PAPSS2: variants seen among roughly 807,000 people sequenced by gnomAD.
PAPSS2 encodes the protein bifunctional 3'-phosphoadenosine 5'-phosphosulfate synthase 2.
A neutral mutation model predicts 66.5 loss-of-function variants in PAPSS2; 61 were observed. The observed-to-expected ratio is 0.92, with a 90% CI of 0.75 to 1.14. The LOEUF (loss-of-function observed/expected upper bound fraction) is 1.14. Among genes scored for constraint, PAPSS2 ranks in the 50% most tolerant of loss-of-function variants. PAPSS2 has a pLI of 0.00. For synonymous variants in PAPSS2, 289 were observed against 287.5 expected (o/e 1.01, Z -0.05); for missense variants, 708 against 789.6 (o/e 0.90, Z 1.24).
At chr10:87,665,967 T>C (rs200256278) in intron 1 of PAPSS2, among the ~76,000 whole-genome samples, 2 of 114,136 alleles carry the variant, frequency 1.8e-5, no homozygotes, top group Admixed American at 1.9e-4. Flanking sequence ...AATTTTTTTT[T>C]CTTTTTTTTT....
chr10:87,696,661 C>T (rs1005568040), intron 1 of PAPSS2, among the ~76,000 whole-genome samples: 1 of 152,134 alleles, frequency 6.6e-6, no homozygotes, highest in Non-Finnish European at 1.5e-5. Context: ...TAACTCCAAG[C>T]AATTTTAACC....
chr10:87,692,386 T>C (rs935672899), intron 1 of PAPSS2, among the ~76,000 whole-genome samples: 1 of 151,900 alleles, frequency 6.6e-6, no homozygotes, highest in African/African-American at 2.4e-5. Flanking sequence ...CTGAGGGGTG[T>C]AGGGAGGAAG....
At chr10:87,727,543 AAAAT>A (rs1853675945) in intron 9 of PAPSS2, 54 bp downstream of exon 9, 1 of 1,393,798 alleles carries the variant, frequency 7.2e-7, no homozygotes, top group Admixed American at 1.9e-5. Flanking sequence ...ACTGAGAAGA[AAAAT>A]AACTCTTTTT....
intron 9 of PAPSS2, among the ~76,000 whole-genome samples, chr10:87,737,372 T>C: frequency 6.8e-6 from 1 of 147,812 alleles, no homozygotes; most frequent in East Asian, 2.0e-4. Context: ...GTGGTTCCTC[T>C]AAAAAAAAAA....
intron 1 of PAPSS2, among the ~76,000 whole-genome samples, chr10:87,676,844 GT>G (rs1852954097): frequency 9.0e-6 from 1 of 111,420 alleles, no homozygotes; most frequent in Admixed American, 1.4e-4. Context: ...TTGTACTCCA[GT>G]CTGGATGACA....
intron 1 of PAPSS2, among the ~76,000 whole-genome samples, chr10:87,660,612 A>G (rs1176870663): frequency 1.3e-5 from 2 of 151,944 alleles, no homozygotes; most frequent in African/African-American, 4.8e-5. Context: ...GGTTTGGTGG[A>G]GTAAGATGAG....
chr10:87,718,294 G>A (rs1853556237), intron 7 of PAPSS2, among the ~76,000 whole-genome samples: 2 of 152,128 alleles, frequency 1.3e-5, no homozygotes, highest in South Asian at 2.1e-4. Flanking sequence ...GCCTCCCAAA[G>A]TGCTGAGATT....
intron 9 of PAPSS2, among the ~76,000 whole-genome samples, chr10:87,740,467 TAATA>T (rs1306822871): frequency 6.6e-5 from 10 of 152,232 alleles, no homozygotes; most frequent in Non-Finnish European, 1.5e-5. Flanking sequence ...CACAGTGAAC[TAATA>T]GTTTCTAATT....
At chr10:87,726,345 G>T (rs1190912579) in intron 8 of PAPSS2, among the ~76,000 whole-genome samples, 3 of 152,220 alleles carry the variant, frequency 2.0e-5, no homozygotes. Flanking sequence ...CAGGACAATA[G>T]CTTGAACCTG....
chr10:87,738,532 G>C (rs570094227), intron 9 of PAPSS2, among the ~76,000 whole-genome samples: 1 of 152,076 alleles, frequency 6.6e-6, no homozygotes, highest in African/African-American at 2.4e-5. Flanking sequence ...ACCTCAGCCT[G>C]CTGAGTAGCT....
rs1554860724 is a variant in PAPSS2 at position 87,659,905 on chromosome 10, TGCC to T, written c.-60_-58del. 438 of 1,421,096 alleles carry T rather than the reference TGCC, an allele frequency of 3.1e-4. No individual in the cohort carries two copies. The highest frequency in any genetic ancestry group is 5.3e-4 in the Middle Eastern group (3 of 5,640). The allele number at this position is 1,421,096 out of a possible 1,614,324, so 88.0% of individuals were successfully genotyped here. A position where few individuals can be genotyped will look rare whatever the true frequency, so the allele number is the denominator to read the frequency against. On this transcript the variant is annotated 5_prime_UTR_variant, in exon 1 of 13. Coordinates refer to ENST00000456849, the MANE Select transcript of PAPSS2 (RefSeq NM_001015880.2). ...CCGCTGCTGCTGCTGCTGCTGCTGC[TGCC>T]GCCGCCGCCGCCGCCGTCCCTGCGT... is the stretch of plus-strand genomic sequence containing the variant.
At chr10:87,735,339 A>G (rs1853783757) in intron 9 of PAPSS2, among the ~76,000 whole-genome samples, 1 of 152,122 alleles carries the variant, frequency 6.6e-6, no homozygotes, top group African/African-American at 2.4e-5. Context: ...ATCTCTCTTC[A>G]AACAGACAGG....
In PAPSS2 at chr10:87,697,208, A is replaced by G. The variant is rs111959525; in HGVS notation, c.28-11988A>G. ...GGAGTTTGTGTGGTGTTTTCTGGTG[A>G]TTAGAATAGGCAAAAAACGAACATG... On this transcript the variant is annotated intron_variant, in intron 1 of 12. Coordinates refer to ENST00000456849, the MANE Select transcript of PAPSS2 (RefSeq NM_001015880.2). 1.0e-2 allele frequency among the ~76,000 whole-genome samples: 1,515 copies of G among 152,200 alleles called. 6 individuals are homozygous for G. Among genetic ancestry groups the G allele is most frequent in the Non-Finnish European group, 0.015 (1,022 of 68,008 alleles).
chr10:87,738,455 C>T (rs1853828117), intron 9 of PAPSS2, among the ~76,000 whole-genome samples: 1 of 152,078 alleles, frequency 6.6e-6, no homozygotes, highest in Admixed American at 6.5e-5. Context: ...GTCACCCAGG[C>T]TGAAGTGCAG....
At chr10:87,663,991 C>T (rs185042149) in intron 1 of PAPSS2, among the ~76,000 whole-genome samples, 4 of 152,242 alleles carry the variant, frequency 2.6e-5, no homozygotes, top group Non-Finnish European at 4.4e-5. Context: ...ACTGCAGTCT[C>T]GACCTCCTGG....
At chr10:87,693,638 T>G (rs1347456124) in intron 1 of PAPSS2, among the ~76,000 whole-genome samples, 1 of 152,208 alleles carries the variant, frequency 6.6e-6, no homozygotes, top group Non-Finnish European at 1.5e-5. Flanking sequence ...AGTTCGGTCG[T>G]TTATTTAGAT....
chr10:87,702,241 C>T (rs115034124), intron 1 of PAPSS2, among the ~76,000 whole-genome samples: 2,229 of 152,290 alleles, frequency 0.015, 59 homozygotes, highest in African/African-American at 0.051. Flanking sequence ...ATAACTGGGA[C>T]TGGAAACTAG....
chr10:87,714,031 TA>T lies in PAPSS2; in HGVS notation c.382-12del. The T allele has an allele frequency of 1.9e-6, 3 of 1,613,734 alleles. No individual in the cohort carries two copies. The highest frequency in any genetic ancestry group is 2.5e-6 in the Non-Finnish European group (3 of 1,179,700). On this transcript the variant is annotated splice_polypyrimidine_tract_variant and intron_variant, in intron 3 of 12. Transcript: ENST00000456849. Reference sequence around the variant, plus strand: ...AAACCTCTTTTTACATTCTTAATCATATTGCTTTTCAGGATCGTGAGAATGC... The same window carrying T: ...AAACCTCTTTTTACATTCTTAATCATTTGCTTTTCAGGATCGTGAGAATGC...
chr10:87,694,688 A>G (rs954315863), intron 1 of PAPSS2, among the ~76,000 whole-genome samples: 2 of 152,248 alleles, frequency 1.3e-5, no homozygotes, highest in East Asian at 3.8e-4. Context: ...TTAAGTTCCA[A>G]GCTAAGGATT....
Sources: gnomAD v4.1 joint callset for allele counts (sites outside exome capture counted in the v4.1 genomes callset) on GRCh38, gnomAD v4.1.1 for gene constraint, MANE v1.5 for transcripts, NCBI Gene and HGNC (gene_info 2026-07-23, HGNC 2026-07-21) for gene names.